Variants in COBLL1 observed in about 807,000 individuals in gnomAD.
COBLL1 encodes the protein cordon-bleu WH2 repeat protein like 1.
A neutral mutation model predicts 94.8 loss-of-function variants in COBLL1; 50 were observed. The observed-to-expected ratio is 0.53, with a 90% CI of 0.42 to 0.67. The LOEUF (loss-of-function observed/expected upper bound fraction) is 0.67, where lower values mean the gene tolerates loss of function less well. COBLL1 is among the 30% of genes least tolerant of loss of function. COBLL1 has a pLI of 0.00. For synonymous variants in COBLL1, 448 were observed against 473.8 expected (o/e 0.95, Z 0.71); for missense variants, 1,362 against 1,348.7 (o/e 1.01, Z -0.15).
At chr2:164,791,844 T>C (rs1196740828) in intron 2 of COBLL1, among the ~76,000 whole-genome samples, 5 of 151,250 alleles carry the variant, frequency 3.3e-5, no homozygotes, top group Non-Finnish European at 5.9e-5. Flanking sequence ...CCAACCTTTA[T>C]ATACGTATCA....
chr2:164,773,987 T>C (rs1274077355), intron 2 of COBLL1, among the ~76,000 whole-genome samples: 1 of 152,200 alleles, frequency 6.6e-6, no homozygotes. Context: ...CAGCTTCTTA[T>C]CAAGCAATTT....
chr2:164,705,726 T>C lies in COBLL1; in HGVS notation c.997-621A>G, dbSNP rs566819839. Among the ~76,000 whole-genome samples the C allele has an allele frequency of 5.9e-5, 9 of 152,264 alleles. 1 individual carries two copies. The Middle Eastern group carries it at 0.024, about 403-fold the overall frequency. ...ATGAATGAATGAATGAACGAATAAA[T>C]AACTATTTAAAAGAGTTGTTCAGGT... is the stretch of plus-strand genomic sequence containing the variant. On this transcript the variant is annotated intron_variant, in intron 7 of 13. Transcript: ENST00000652658.
In COBLL1 at chr2:164,694,508, G is replaced by C; in HGVS notation, c.2884C>G (p.Gln962Glu). 1 of 1,614,008 alleles carries C rather than the reference G, an allele frequency of 6.2e-7. No individual in the cohort carries two copies. Among genetic ancestry groups the C allele is most frequent in the East Asian group, 2.2e-5 (1 of 44,862 alleles). Residue 962 changes from glutamine (Q) to glutamate (E), a missense_variant, in exon 12 of 14, where the codon CAG (glutamine) becomes GAG (glutamate). Physicochemically the swap from Gln to Glu is conservative, Grantham distance 29. Coordinates refer to ENST00000652658, the MANE Select transcript of COBLL1 (RefSeq NM_001365672.2). ...APKPVTIPAS[Q>E]VSTQNLKTLK... ...GTCTTCAGATTTTGTGTGGATACCT[G>C]ACTAGCAGGAATTGTCACAGGTTTT... is the stretch of plus-strand genomic sequence containing the variant.
intron 2 of COBLL1, among the ~76,000 whole-genome samples, chr2:164,828,190 C>A (rs1032154992): frequency 6.6e-6 from 1 of 152,184 alleles, no homozygotes; most frequent in African/African-American, 2.4e-5. Context: ...ATCTCCAACA[C>A]TGACTTTTTG....
At chr2:164,725,579 C>T (rs1010502877) in intron 5 of COBLL1, among the ~76,000 whole-genome samples, 87 of 152,114 alleles carry the variant, frequency 5.7e-4, no homozygotes, top group African/African-American at 1.9e-3. Flanking sequence ...CCACCACACC[C>T]GGCTAATTTT....
chr2:164,664,083 A>G (rs2105383565), intron 2 of COBLL1, among the ~76,000 whole-genome samples: 1 of 152,368 alleles, frequency 6.6e-6, no homozygotes, highest in South Asian at 2.1e-4. Flanking sequence ...ATGAAGTGAC[A>G]GCTTCCCATT....
intron 2 of COBLL1, among the ~76,000 whole-genome samples, chr2:164,751,754 A>G (rs910595862): frequency 2.6e-5 from 4 of 152,148 alleles, no homozygotes; most frequent in African/African-American, 9.7e-5. Flanking sequence ...AAAGACATGC[A>G]CATGGATAAA....
At chr2:164,710,601 G>A (rs1684845415) in intron 7 of COBLL1, among the ~76,000 whole-genome samples, 1 of 144,290 alleles carries the variant, frequency 6.9e-6, no homozygotes, top group Non-Finnish European at 1.5e-5. Context: ...GTTTCGCTCT[G>A]TTGCCCAGGC....
chr2:164,700,655 C>T lies in COBLL1; in HGVS notation c.1327G>A (p.Asp443Asn), dbSNP rs1273596767. 1 of 1,613,162 alleles carries T rather than the reference C, an allele frequency of 6.2e-7. No individual in the cohort carries two copies. Among genetic ancestry groups the T allele is most frequent in the South Asian group, 1.1e-5 (1 of 91,058 alleles). ...EAENISPKSQ[D>N]IPFVSTDIIN... The stretch of plus-strand genomic sequence containing the variant: ...ATATCAGTAGATACAAAAGGAATAT[C>T]TTGTGACTTCGGAGAAATATTTTCA... The change falls in exon 10 of 14, where the codon GAT becomes AAT. Residue 443 changes from aspartate (D) to asparagine (N), a missense_variant. By Grantham distance (23) the Asp-to-Asn change is conservative. Coordinates refer to ENST00000652658, the MANE Select transcript of COBLL1 (RefSeq NM_001365672.2).
chr2:164,703,885 T>C (rs755751688), intron 9 of COBLL1, among the ~76,000 whole-genome samples: 17 of 152,216 alleles, frequency 1.1e-4, no homozygotes, highest in Non-Finnish European at 1.6e-4. Context: ...GTAGCTATTA[T>C]TAAAAACACT....
At position 164,695,082 on chromosome 2, in the gene COBLL1, A is replaced by ATGAGTG; in HGVS notation, c.2304_2309dup (p.Thr769_His770dup). The ATGAGTG allele has an allele frequency of 6.2e-7, 1 of 1,613,788 alleles. No individual in the cohort carries two copies. The highest frequency in any genetic ancestry group is 1.1e-5 in the South Asian group (1 of 91,070). On this transcript the variant is annotated inframe_insertion, in exon 12 of 14. Coordinates refer to ENST00000652658, the MANE Select transcript of COBLL1 (RefSeq NM_001365672.2). ...GGATGGCAGTTTCTTTCACATTCTC[A>ATGAGTG]TGAGTGTGCTTTTTCCCTAAAGCAT...
intron 2 of COBLL1, among the ~76,000 whole-genome samples, chr2:164,783,810 T>C (rs75763351): frequency 0.032 from 4,823 of 151,848 alleles, 106 homozygotes; most frequent in East Asian, 0.062. Flanking sequence ...CGACAAAATA[T>C]AAAAAATTAG....
chr2:164,731,950 C>A (rs944896230), intron 3 of COBLL1, among the ~76,000 whole-genome samples: 9 of 152,182 alleles, frequency 5.9e-5, no homozygotes, highest in Admixed American at 2.6e-4. Context: ...CACTGTCGGA[C>A]ACTGTGTGGT....
At chr2:164,675,713 G>T (rs978862994), downstream of COBLL1, among the ~76,000 whole-genome samples, 1 of 152,096 alleles carries the variant, frequency 6.6e-6, no homozygotes, top group African/African-American at 2.4e-5. Context: ...GGTTTTTGAG[G>T]TCTCTTCTAA....
intron 13 of COBLL1, among the ~76,000 whole-genome samples, chr2:164,688,914 T>C (rs1464401169): frequency 6.6e-6 from 1 of 152,224 alleles, no homozygotes; most frequent in Admixed American, 6.5e-5. Flanking sequence ...AATAACTTGA[T>C]TTTTAGTAAA....
chr2:164,664,074 T>C (rs1691112320), intron 2 of COBLL1, among the ~76,000 whole-genome samples: 1 of 152,258 alleles, frequency 6.6e-6, no homozygotes, highest in Admixed American at 6.5e-5. Context: ...GCTTCACAGA[T>C]GAAGTGACAG....
Position 164,702,574 on chromosome 2 carries a change from A to AAAAT in COBLL1, c.1226-1822_1226-1819dup, listed in dbSNP as rs1553469784. Among the ~76,000 whole-genome samples the AAAAT allele has an allele frequency of 6.0e-4, 88 of 147,082 alleles. 1 individual carries two copies. The East Asian group carries it at 0.015, about 25-fold the overall frequency. ...GAGACTCCTCAAAAAAAAAAAAAAA[A>AAAAT]AAATAATAATAATAATAATTTGAAA... On this transcript the variant is annotated intron_variant, in intron 9 of 13. Transcript: ENST00000652658.
intron 2 of COBLL1, among the ~76,000 whole-genome samples, chr2:164,658,864 G>T (rs1185083427): frequency 2.0e-5 from 3 of 152,146 alleles, no homozygotes; most frequent in South Asian, 2.1e-4. Flanking sequence ...CATACTAGGG[G>T]TCCTTCTATA....
chr2:164,673,128 A>T (rs1691273331), intron 1 of COBLL1, among the ~76,000 whole-genome samples: 1 of 152,232 alleles, frequency 6.6e-6, no homozygotes, highest in Non-Finnish European at 1.5e-5. Flanking sequence ...TTATTCCTTG[A>T]TTCTTATGAG....
Sources: gnomAD v4.1 joint callset for allele counts (sites outside exome capture counted in the v4.1 genomes callset) on GRCh38, gnomAD v4.1.1 for gene constraint, MANE v1.5 for transcripts, NCBI Gene and HGNC (gene_info 2026-07-23, HGNC 2026-07-21) for gene names.